Variants in GFRAL observed in about 807,000 individuals in gnomAD.
GFRAL encodes the protein GDNF family receptor alpha like.
A neutral mutation model predicts 45.4 loss-of-function variants in GFRAL; 36 were observed. That is an observed-to-expected ratio of 0.79 (90% confidence interval 0.61 to 1.05). The LOEUF is 1.05. Among genes scored for constraint, GFRAL ranks in the 50% least tolerant of loss-of-function variants. The probability of loss-of-function intolerance (pLI) is 0.00; values close to 1 mark genes in which losing one functional copy is unlikely to be tolerated. For synonymous variants in GFRAL, 166 were observed against 154.1 expected (o/e 1.08, Z -0.57); for missense variants, 507 against 467.5 (o/e 1.08, Z -0.78).
At chr6:55,331,066 G>A (rs866181958) in intron 1 of GFRAL, among the ~76,000 whole-genome samples, 2 of 152,188 alleles carry the variant, frequency 1.3e-5, no homozygotes, top group East Asian at 1.9e-4. Flanking sequence ...TAACAATTAC[G>A]TACCTATGAC....
intron 6 of GFRAL, among the ~76,000 whole-genome samples, chr6:55,372,741 G>A (rs1218881052): frequency 6.6e-6 from 1 of 152,128 alleles, no homozygotes; most frequent in Non-Finnish European, 1.5e-5. Flanking sequence ...GGGAACTATA[G>A]TCTAGCTTTG....
At chr6:55,396,398 T>C (rs1768825396) in intron 6 of GFRAL, among the ~76,000 whole-genome samples, 1 of 152,164 alleles carries the variant, frequency 6.6e-6, no homozygotes, top group East Asian at 1.9e-4. Context: ...TTCAAAATAA[T>C]ACTTTTTTCT....
intron 3 of GFRAL, among the ~76,000 whole-genome samples, chr6:55,335,939 T>G (rs200733618): frequency 1.0e-5 from 1 of 95,876 alleles, no homozygotes; most frequent in Non-Finnish European, 2.2e-5. Flanking sequence ...ATTTTATTTT[T>G]GTTGTGTTGC....
At chr6:55,369,808 TTC>T (rs1432087886) in intron 6 of GFRAL, among the ~76,000 whole-genome samples, 3 of 152,228 alleles carry the variant, frequency 2.0e-5, no homozygotes, top group African/African-American at 7.2e-5. Context: ...GTTGGAGATA[TTC>T]TGTTTCTTCT....
At chr6:55,356,120 T>A (rs1217283111) in intron 5 of GFRAL, among the ~76,000 whole-genome samples, 2 of 152,026 alleles carry the variant, frequency 1.3e-5, no homozygotes, top group African/African-American at 4.8e-5. Context: ...GCATTTGGTT[T>A]GCTAGGATTT....
intron 5 of GFRAL, among the ~76,000 whole-genome samples, chr6:55,355,860 C>T (rs1423231896): frequency 6.6e-6 from 1 of 151,884 alleles, no homozygotes; most frequent in Middle Eastern, 3.2e-3. Flanking sequence ...TATTGGTCTG[C>T]TCTGTCATAT....
intron 6 of GFRAL, among the ~76,000 whole-genome samples, chr6:55,363,628 C>A (rs1284515349): frequency 1.5e-5 from 2 of 133,782 alleles, no homozygotes; most frequent in Admixed American, 8.8e-5. Flanking sequence ...TGATATTCCC[C>A]TTCCTGTGTC....
At chr6:55,368,990 G>T (rs1424784985) in intron 6 of GFRAL, among the ~76,000 whole-genome samples, 2 of 152,060 alleles carry the variant, frequency 1.3e-5, no homozygotes, top group African/African-American at 2.4e-5. Context: ...CTTCCCGGCT[G>T]CTTTGTTTAC....
At chr6:55,369,325 G>C (rs922761472) in intron 6 of GFRAL, among the ~76,000 whole-genome samples, 2 of 152,288 alleles carry the variant, frequency 1.3e-5, no homozygotes, top group East Asian at 3.9e-4. Flanking sequence ...CGCACCCACT[G>C]ACCTGCGCCT....
chr6:55,356,918 T>A (rs1357289150), intron 5 of GFRAL, among the ~76,000 whole-genome samples: 2 of 151,908 alleles, frequency 1.3e-5, no homozygotes, highest in South Asian at 2.1e-4. Context: ...TTAATACACC[T>A]CTAAATTTTA....
Position 55,351,233 on chromosome 6 carries a change from G to A in GFRAL, c.371-20G>A, listed in dbSNP as rs779024147. 4.6e-6 allele frequency: 7 copies of A among 1,532,776 alleles called. No homozygotes were observed. The South Asian group carries it at 4.9e-5, about 11-fold the overall frequency. 94.9% of individuals were successfully genotyped at this position (1,532,776 alleles called of 1,614,324 possible). ...CTTTGTGTTTACTTTTCCACGACCT[G>A]GGCATATCATTGCTTTCAGGATTCA... On this transcript the variant is annotated intron_variant, in intron 4 of 8. Transcript: ENST00000340465.
chr6:55,358,945 T>C lies in GFRAL; in HGVS notation c.759T>C (p.His253=). The C allele has an allele frequency of 2.5e-6, 4 of 1,612,960 alleles. No individual in the cohort carries two copies. Among genetic ancestry groups the C allele is most frequent in the Non-Finnish European group, 3.4e-6 (4 of 1,179,252 alleles). Residue 253 remains histidine, a synonymous_variant, in exon 6 of 9, where the codon CAT becomes CAC. Transcript: ENST00000340465. ...KCWQRVTRKC[H]EDENCISTLS... ...GGCAGCGTGTGACTAGAAAGTGCCATGAAGATGAGAATTGCATTAGCACCT... is the reference window on the plus strand; with the variant it reads ...GGCAGCGTGTGACTAGAAAGTGCCACGAAGATGAGAATTGCATTAGCACCT...
chr6:55,390,213 A>G (rs1477623614), intron 6 of GFRAL, among the ~76,000 whole-genome samples: 2 of 152,252 alleles, frequency 1.3e-5, no homozygotes, highest in Non-Finnish European at 2.9e-5. Flanking sequence ...GAGAAAAGAA[A>G]AAGCTAGTAT....
At chr6:55,389,056 G>A (rs1729431105) in intron 6 of GFRAL, among the ~76,000 whole-genome samples, 2 of 152,124 alleles carry the variant, frequency 1.3e-5, no homozygotes, top group South Asian at 4.2e-4. Context: ...CATCCTGACT[G>A]TATAGATATA....
At chr6:55,334,864 A>T (rs1767872243) in intron 3 of GFRAL, among the ~76,000 whole-genome samples, 1 of 152,174 alleles carries the variant, frequency 6.6e-6, no homozygotes, top group South Asian at 2.1e-4. Flanking sequence ...TCTCATGTGT[A>T]AGTTTATTTT....
intron 6 of GFRAL, among the ~76,000 whole-genome samples, chr6:55,373,083 A>T (rs1286027097): frequency 7.2e-6 from 1 of 138,470 alleles, no homozygotes; most frequent in Non-Finnish European, 1.5e-5. Context: ...GGACAGCAAA[A>T]CCTCAAAAAA....
chr6:55,375,758 T>G (rs766583915), intron 6 of GFRAL, among the ~76,000 whole-genome samples: 5 of 152,172 alleles, frequency 3.3e-5, no homozygotes, highest in African/African-American at 7.2e-5. Flanking sequence ...AAGATGCTTT[T>G]GGGCTAAAAC....
chr6:55,359,063 T>G lies in GFRAL; in HGVS notation c.877T>G (p.Cys293Gly). ...GACGGTCCTTCAAGTGCAATGTACCTGTAGGACCATTACACAAAGTGAGGA... is the reference window on the plus strand; with the variant it reads ...GACGGTCCTTCAAGTGCAATGTACCGGTAGGACCATTACACAAAGTGAGGA... ...LGTVLQVQCTCRTITQSEESL... is the reference protein window; with the variant it reads ...LGTVLQVQCTGRTITQSEESL... The change falls in exon 6 of 9, where the codon TGT becomes GGT. Residue 293 changes from cysteine (C) to glycine (G), a missense_variant. Physicochemically the swap from Cys to Gly is radical, Grantham distance 159. Transcript: ENST00000340465. The G allele has an allele frequency of 1.2e-6, 2 of 1,612,770 alleles. No individual in the cohort carries two copies. The highest frequency in any genetic ancestry group is 1.7e-6 in the Non-Finnish European group (2 of 1,179,116).
At chr6:55,346,936 G>A (rs1203492951) in intron 3 of GFRAL, among the ~76,000 whole-genome samples, 2 of 151,068 alleles carry the variant, frequency 1.3e-5, no homozygotes, top group African/African-American at 2.4e-5. Flanking sequence ...TGTAATATTG[G>A]TGGTAATTAA....
Sources: gnomAD v4.1 joint callset for allele counts (sites outside exome capture counted in the v4.1 genomes callset) on GRCh38, gnomAD v4.1.1 for gene constraint, MANE v1.5 for transcripts, NCBI Gene and HGNC (gene_info 2026-07-23, HGNC 2026-07-21) for gene names.